The following CCDC91 variants were observed in gnomAD, a reference collection of about 807,000 sequenced individuals.
CCDC91 encodes coiled-coil domain-containing protein 91.
A neutral mutation model predicts 63.2 loss-of-function variants in CCDC91; 48 were observed. The ratio of observed to expected loss-of-function variants is 0.76; its 90% CI spans 0.60 to 0.97. CCDC91 has a LOEUF of 0.97. CCDC91 is among the 50% of genes least tolerant of loss of function. The pLI is 0.00. For missense variants in CCDC91, 500 were observed against 494.6 expected (o/e 1.01, Z -0.10); for synonymous variants, 167 against 165.8 (o/e 1.01, Z -0.06).
At chr12:28,227,762 A>G (rs926073383) in intron 1 of CCDC91, among the ~76,000 whole-genome samples, 2 of 152,072 alleles carry the variant, frequency 1.3e-5, no homozygotes, top group African/African-American at 2.4e-5. Flanking sequence ...TGTTATCTAC[A>G]TTGCCTTATA....
At chr12:28,268,728 C>G in intron 3 of CCDC91, 1 of 905,196 alleles carries the variant, frequency 1.1e-6, no homozygotes, top group African/African-American at 1.8e-5. Context: ...GTAGGGATGG[C>G]ATGGGGAAGG....
At chr12:28,268,222 C>T (rs1441235150) in intron 3 of CCDC91, among the ~76,000 whole-genome samples, 2 of 151,262 alleles carry the variant, frequency 1.3e-5, no homozygotes, top group East Asian at 3.9e-4. Flanking sequence ...TGCCACCATG[C>T]CCAGCTAATG....
At chr12:28,432,961 A>G (rs1324253143) in intron 8 of CCDC91, among the ~76,000 whole-genome samples, 2 of 152,070 alleles carry the variant, frequency 1.3e-5, no homozygotes, top group Admixed American at 6.6e-5. Flanking sequence ...TTTCCCTGAT[A>G]TGGGAAATGT....
chr12:28,432,530 G>A (rs1204342419), intron 8 of CCDC91, among the ~76,000 whole-genome samples: 2 of 152,032 alleles, frequency 1.3e-5, no homozygotes, highest in African/African-American at 2.4e-5. Context: ...GTTTTCTGAG[G>A]CCTCCCAAGC....
intron 8 of CCDC91, among the ~76,000 whole-genome samples, chr12:28,418,810 G>A (rs554750064): frequency 6.6e-6 from 1 of 151,992 alleles, no homozygotes; most frequent in Non-Finnish European, 1.5e-5. Context: ...TTAGATAAGC[G>A]TGACATTCAA....
chr12:28,390,270 T>G (rs1052089250), intron 7 of CCDC91, among the ~76,000 whole-genome samples: 7 of 152,140 alleles, frequency 4.6e-5, no homozygotes, highest in Admixed American at 4.6e-4. Context: ...TAAATCTGTA[T>G]TCATAACAGA....
At chr12:28,256,312 A>C (rs1376587150) in intron 1 of CCDC91, among the ~76,000 whole-genome samples, 1 of 152,134 alleles carries the variant, frequency 6.6e-6, no homozygotes, top group Non-Finnish European at 1.5e-5. Context: ...CCAAATTGTA[A>C]ATTAAGAAAC....
intron 3 of CCDC91, among the ~76,000 whole-genome samples, chr12:28,271,094 A>G (rs1342360818): frequency 6.6e-6 from 1 of 152,132 alleles, no homozygotes; most frequent in Non-Finnish European, 1.5e-5. Context: ...TAGGTACCGC[A>G]TTATAGCTAG....
intron 8 of CCDC91, among the ~76,000 whole-genome samples, chr12:28,401,004 A>G (rs1279583049): frequency 6.6e-6 from 1 of 152,116 alleles, no homozygotes; most frequent in Non-Finnish European, 1.5e-5. Context: ...AAACTTTCCC[A>G]CATTTTCCTA....
chr12:28,537,800 A>G (rs1592994531), intron 12 of CCDC91, among the ~76,000 whole-genome samples: 1 of 152,210 alleles, frequency 6.6e-6, no homozygotes, highest in Non-Finnish European at 1.5e-5. Flanking sequence ...AAAAGGGGAA[A>G]AGAACAAGTG....
intron 12 of CCDC91, among the ~76,000 whole-genome samples, chr12:28,513,123 C>G (rs920852213): frequency 1.3e-5 from 2 of 151,838 alleles, no homozygotes; most frequent in Non-Finnish European, 1.5e-5. Flanking sequence ...AGATCCTCAG[C>G]TATTGCTTGA....
intron 7 of CCDC91, among the ~76,000 whole-genome samples, chr12:28,362,885 GCTTTT>G (rs1943997226): frequency 6.6e-6 from 1 of 151,872 alleles, no homozygotes; most frequent in African/African-American, 2.4e-5. Flanking sequence ...ATACCTTTTT[GCTTTT>G]CTTTTCTTAA....
intron 6 of CCDC91, among the ~76,000 whole-genome samples, chr12:28,335,568 C>T (rs994621159): frequency 3.3e-5 from 5 of 151,076 alleles, no homozygotes; most frequent in South Asian, 2.1e-4. Context: ...CCACCGTGCC[C>T]GTCTGATTCT....
intron 7 of CCDC91, among the ~76,000 whole-genome samples, chr12:28,378,212 T>C (rs1945066807): frequency 6.6e-6 from 1 of 152,082 alleles, no homozygotes; most frequent in Non-Finnish European, 1.5e-5. Context: ...GTTGAGAGTT[T>C]TGGTCTTTTG....
At chr12:28,499,901 A>T (rs1457413406) in intron 12 of CCDC91, among the ~76,000 whole-genome samples, 2 of 152,030 alleles carry the variant, frequency 1.3e-5, no homozygotes, top group African/African-American at 2.4e-5. Flanking sequence ...TTAGTTCTAG[A>T]TTCTTGAGGA....
chr12:28,521,608 T>A (rs2141439922), intron 12 of CCDC91, among the ~76,000 whole-genome samples: 1 of 152,300 alleles, frequency 6.6e-6, no homozygotes. Flanking sequence ...TCTAACACTA[T>A]GTTGATTAGG....
chr12:28,512,941 A>G (rs1361143502), intron 12 of CCDC91, among the ~76,000 whole-genome samples: 1 of 151,890 alleles, frequency 6.6e-6, no homozygotes, highest in African/African-American at 2.4e-5. Context: ...TTCCTCCCTC[A>G]TGCTGTACTT....
At chr12:28,526,294 G>A (rs1941256583) in intron 12 of CCDC91, among the ~76,000 whole-genome samples, 1 of 151,990 alleles carries the variant, frequency 6.6e-6, no homozygotes, top group African/African-American at 2.4e-5. Flanking sequence ...GTGCTGGCTT[G>A]GTAGTGGCAA....
At chr12:28,509,937 C>T (rs962725634) in intron 12 of CCDC91, among the ~76,000 whole-genome samples, 1 of 151,820 alleles carries the variant, frequency 6.6e-6, no homozygotes, top group African/African-American at 2.4e-5. Flanking sequence ...TATTTCTGAA[C>T]TGGTAATAGT....
Sources: gnomAD v4.1 joint callset for allele counts (sites outside exome capture counted in the v4.1 genomes callset) on GRCh38, gnomAD v4.1.1 for gene constraint, MANE v1.5 for transcripts, NCBI Gene and HGNC (gene_info 2026-07-23, HGNC 2026-07-21) for gene names.